Variants in SERGEF observed in about 807,000 individuals in gnomAD.
SERGEF encodes the protein secretion regulating guanine nucleotide exchange factor, also known as secretion-regulating guanine nucleotide exchange factor.
In SERGEF, 51 loss-of-function variants were observed where a neutral mutation model predicts 50.0. The ratio of observed to expected loss-of-function variants is 1.02; its 90% CI spans 0.81 to 1.29. The LOEUF (loss-of-function observed/expected upper bound fraction) is 1.29, where lower values mean the gene tolerates loss of function less well. Among genes scored for constraint, SERGEF ranks in the 50% most tolerant of loss-of-function variants. SERGEF has a pLI of 0.00. For missense variants in SERGEF, 521 were observed against 557.0 expected (o/e 0.94, Z 0.65); for synonymous variants, 205 against 212.4 (o/e 0.97, Z 0.30).
At chr11:17,846,689 A>C (rs1404055662) in intron 10 of SERGEF, 1 of 456,276 alleles carries the variant, frequency 2.2e-6, no homozygotes, top group Non-Finnish European at 4.4e-6. Flanking sequence ...TCTTGAGTAT[A>C]TCTCTTAATT....
intron 9 of SERGEF, among the ~76,000 whole-genome samples, chr11:17,934,928 C>A (rs1852422358): frequency 6.6e-6 from 1 of 152,104 alleles, no homozygotes; most frequent in South Asian, 2.1e-4. Flanking sequence ...AAAGACATGA[C>A]CCAGGTCCTA....
chr11:17,979,179 G>A (rs1019296966), intron 8 of SERGEF, among the ~76,000 whole-genome samples: 1 of 152,144 alleles, frequency 6.6e-6, no homozygotes, highest in Non-Finnish European at 1.5e-5. Flanking sequence ...AGGGCTGGTG[G>A]GTACCTGCAA....
At chr11:17,869,327 A>C (rs2525892) in intron 10 of SERGEF, among the ~76,000 whole-genome samples, 62,978 of 152,118 alleles carry the variant, frequency 0.41, 13,579 homozygotes, top group East Asian at 0.75. Flanking sequence ...TGCAATTCAA[A>C]TCACAGAACA....
chr11:17,863,017 ACC>A (rs1333362673), intron 10 of SERGEF, among the ~76,000 whole-genome samples: 1 of 152,156 alleles, frequency 6.6e-6, no homozygotes, highest in African/African-American at 2.4e-5. Context: ...ATGCTAATTA[ACC>A]TAAGTCAAAC....
chr11:17,910,376 G>A (rs1331713571), intron 9 of SERGEF, among the ~76,000 whole-genome samples: 4 of 152,124 alleles, frequency 2.6e-5, no homozygotes, highest in Non-Finnish European at 2.9e-5. Context: ...AACCTCCCGA[G>A]TAGTTAGGAC....
chr11:18,012,588 C>G (rs1424540966), intron 1 of SERGEF: 1 of 1,183,390 alleles, frequency 8.5e-7, no homozygotes, highest in African/African-American at 1.7e-5. Flanking sequence ...CCCCACGGAG[C>G]TCTGGGACCG....
rs143096071 is a variant in SERGEF at position 17,949,333 on chromosome 11, G to A, written c.1011+10137C>T. Among the ~76,000 whole-genome samples, 865 of 152,126 alleles carry A rather than the reference G, an allele frequency of 5.7e-3. 9 individuals are homozygous for A. The highest frequency in any genetic ancestry group is 0.02 in the African/African-American group (819 of 41,500). ...CAATATAAAGTACCCAATGGAGCCTGGCAAAGAGAGGCTTAATTCAGGTCA... is the reference window on the plus strand; with the variant it reads ...CAATATAAAGTACCCAATGGAGCCTAGCAAAGAGAGGCTTAATTCAGGTCA... On this transcript the variant is annotated intron_variant, in intron 9 of 10. Coordinates refer to ENST00000265965, the MANE Select transcript of SERGEF (RefSeq NM_012139.4).
chr11:17,978,821 G>A (rs139292334), intron 8 of SERGEF, among the ~76,000 whole-genome samples: 1 of 152,218 alleles, frequency 6.6e-6, no homozygotes, highest in Non-Finnish European at 1.5e-5. Context: ...TACTAATTCC[G>A]AATGATGACT....
chr11:17,811,992 A>G (rs753303644), intron 10 of SERGEF, among the ~76,000 whole-genome samples: 2 of 152,242 alleles, frequency 1.3e-5, no homozygotes, highest in Non-Finnish European at 2.9e-5. Flanking sequence ...TAGCATCCCA[A>G]AGGGAACTGA....
chr11:18,007,436 G>A (rs748520144), intron 2 of SERGEF, among the ~76,000 whole-genome samples: 2 of 152,104 alleles, frequency 1.3e-5, no homozygotes, highest in Non-Finnish European at 2.9e-5. Context: ...ACAGAACCAG[G>A]ATCTGAACCC....
chr11:17,915,948 G>A (rs1042317665), intron 9 of SERGEF, among the ~76,000 whole-genome samples: 2 of 152,270 alleles, frequency 1.3e-5, no homozygotes, highest in African/African-American at 2.4e-5. Flanking sequence ...AGCAGCAGGT[G>A]CAGGGACTGT....
chr11:17,988,665 G>C lies in SERGEF; in HGVS notation c.776C>G (p.Ala259Gly), dbSNP rs775225714. ...GACCTTTTCATTCTGGAAACAATGTGCTTCTATTTTCTGGGGCACAGGAAG... is the reference window on the plus strand; with the variant it reads ...GACCTTTTCATTCTGGAAACAATGTCCTTCTATTTTCTGGGGCACAGGAAG... ...AFLPVPQKIE[A>G]HCFQNEKVTA... Residue 259 changes from alanine (A) to glycine (G), a missense_variant, in exon 8 of 11, where the codon GCA (alanine) becomes GGA (glycine). By Grantham distance (60) the Ala-to-Gly change is moderately conservative. Transcript: ENST00000265965. 6.2e-7 allele frequency: 1 copy of C among 1,614,088 alleles called. No individual in the cohort carries two copies.
intron 2 of SERGEF, among the ~76,000 whole-genome samples, chr11:18,007,594 T>C (rs1854105003): frequency 6.6e-6 from 1 of 152,184 alleles, no homozygotes; most frequent in Admixed American, 6.5e-5. Context: ...TCTCAAGGAA[T>C]ATCCAATCTA....
intron 10 of SERGEF, among the ~76,000 whole-genome samples, chr11:17,839,003 C>G (rs907313634): frequency 1.3e-5 from 2 of 152,132 alleles, no homozygotes; most frequent in African/African-American, 2.4e-5. Context: ...AATAAAAGGG[C>G]CAAGAACCCT....
rs1175159872 is a variant in SERGEF at position 18,000,650 on chromosome 11, A to C, written c.448-93T>G. 6.6e-6 allele frequency: 6 copies of C among 911,596 alleles called. No individual in the cohort carries two copies. The South Asian group carries it at 7.1e-5, about 11-fold the overall frequency. The allele number at this position is 911,596 out of a possible 1,614,324, so 56.5% of individuals were successfully genotyped here. On this transcript the variant is annotated intron_variant, in intron 4 of 10. Transcript: ENST00000265965. ...CCAAATACAATGCAGTACGGTCCTCATTATGGGTCTGACTGGTTTAAAGCA... is the reference window on the plus strand; with the variant it reads ...CCAAATACAATGCAGTACGGTCCTCCTTATGGGTCTGACTGGTTTAAAGCA...
At chr11:17,817,310 G>A (rs1010370964) in intron 10 of SERGEF, among the ~76,000 whole-genome samples, 2 of 151,564 alleles carry the variant, frequency 1.3e-5, no homozygotes, top group African/African-American at 2.4e-5. Context: ...CGCCTCCCGG[G>A]TTCATGCCAT....
chr11:17,903,031 C>G (rs521044), intron 9 of SERGEF, among the ~76,000 whole-genome samples: 106,070 of 152,162 alleles, frequency 0.7, 37,665 homozygotes, highest in African/African-American at 0.83. Flanking sequence ...ATAAAATCTG[C>G]CATTAGGACT....
intron 9 of SERGEF, among the ~76,000 whole-genome samples, chr11:17,912,529 A>G (rs1388660520): frequency 1.3e-5 from 2 of 152,232 alleles, no homozygotes; most frequent in Admixed American, 1.3e-4. Context: ...ATATTTCAAA[A>G]TTAAAAAGTT....
At chr11:17,917,501 A>G (rs1852071364) in intron 9 of SERGEF, among the ~76,000 whole-genome samples, 1 of 152,180 alleles carries the variant, frequency 6.6e-6, no homozygotes, top group Non-Finnish European at 1.5e-5. Context: ...CAAAAATCAC[A>G]CAATCACCGC....
Sources: gnomAD v4.1 joint callset for allele counts (sites outside exome capture counted in the v4.1 genomes callset) on GRCh38, gnomAD v4.1.1 for gene constraint, MANE v1.5 for transcripts, NCBI Gene and HGNC (gene_info 2026-07-23, HGNC 2026-07-21) for gene names.